YAE1: variants seen among roughly 807,000 people sequenced by gnomAD.
YAE1 encodes the protein protein YAE1 homolog.
Under a neutral mutation model 23.0 loss-of-function variants are expected in YAE1, and 22 were observed. The ratio of observed to expected loss-of-function variants is 0.96; its 90% CI spans 0.68 to 1.37. The LOEUF is 1.37. Among genes scored for constraint, YAE1 ranks in the 40% most tolerant of loss-of-function variants. The pLI is 0.00. For missense variants in YAE1, 260 were observed against 262.1 expected (o/e 0.99, Z 0.06); for synonymous variants, 101 against 97.0 (o/e 1.04, Z -0.24).
downstream of YAE1, among the ~76,000 whole-genome samples, chr7:39,611,121 C>T (rs1457952092): frequency 5.3e-5 from 8 of 151,330 alleles, no homozygotes; most frequent in African/African-American, 1.9e-4. Flanking sequence ...GCACTCTAGC[C>T]TCGGTGACAG....
intron 2 of YAE1, among the ~76,000 whole-genome samples, chr7:39,603,172 C>T (rs954104591): frequency 6.9e-6 from 1 of 144,460 alleles, no homozygotes; most frequent in Admixed American, 7.0e-5. Context: ...GTTTTTGAGA[C>T]GGAGTCTCGC....
At chr7:39,576,074 C>T (rs1790654220), downstream of YAE1, among the ~76,000 whole-genome samples, 1 of 152,194 alleles carries the variant, frequency 6.6e-6, no homozygotes, top group Non-Finnish European at 1.5e-5. Context: ...CAGATGATCT[C>T]ACCTATTAAT....
At chr7:39,588,020 G>A (rs765885249) in intron 2 of YAE1, among the ~76,000 whole-genome samples, 2 of 152,064 alleles carry the variant, frequency 1.3e-5, no homozygotes, top group African/African-American at 2.4e-5. Flanking sequence ...TCTGGTTTCC[G>A]GGACTTGTTA....
At chr7:39,610,116 A>G in exon 3 of YAE1, 1 of 1,049,286 alleles carries the variant, frequency 9.5e-7, no homozygotes. Flanking sequence ...CCGGCAAGCT[A>G]GAACAATATG....
chr7:39,577,791 G>A (rs376589569), downstream of YAE1, among the ~76,000 whole-genome samples: 11 of 152,334 alleles, frequency 7.2e-5, no homozygotes, highest in Admixed American at 4.6e-4. Flanking sequence ...GCGGGTGCAC[G>A]GTGCGGGACT....
chr7:39,568,866 A>T (rs1771346941), intron 1 of YAE1, among the ~76,000 whole-genome samples: 1 of 152,194 alleles, frequency 6.6e-6, no homozygotes, highest in South Asian at 2.1e-4. Context: ...TTAGTTGCAT[A>T]ACTTAAAAAT....
chr7:39,591,719 CT>C (rs1790903248), intron 2 of YAE1, among the ~76,000 whole-genome samples: 1 of 151,426 alleles, frequency 6.6e-6, no homozygotes, highest in Non-Finnish European at 1.5e-5. Flanking sequence ...TTAGCATTCA[CT>C]TGGTGTTGTA....
downstream of YAE1, among the ~76,000 whole-genome samples, chr7:39,576,241 A>C (rs1452201989): frequency 6.6e-6 from 1 of 152,178 alleles, no homozygotes; most frequent in Non-Finnish European, 1.5e-5. Flanking sequence ...TAATTTATGT[A>C]CCAGCCTCAT....
chr7:39,593,541 C>A (rs1236868140), intron 2 of YAE1, among the ~76,000 whole-genome samples: 2 of 151,992 alleles, frequency 1.3e-5, no homozygotes, highest in Admixed American at 1.3e-4. Context: ...AGCCACTGTG[C>A]CTGGCCTTTT....
chr7:39,611,691 G>A (rs911567204), downstream of YAE1, among the ~76,000 whole-genome samples: 2 of 152,176 alleles, frequency 1.3e-5, no homozygotes, highest in Admixed American at 6.5e-5. Context: ...TCTTTTGTGA[G>A]GAGTTGGGAG....
chr7:39,571,700 T>G (rs755232471), intron 2 of YAE1, among the ~76,000 whole-genome samples: 1 of 152,366 alleles, frequency 6.6e-6, no homozygotes, highest in Admixed American at 6.5e-5. Context: ...ACTATAATAT[T>G]AAATCTGTTA....
At chr7:39,569,714 G>T in intron 1 of YAE1, 1 of 722,644 alleles carries the variant, frequency 1.4e-6, no homozygotes. Flanking sequence ...GGCAAGTCCT[G>T]ATCCACGTAG....
chr7:39,607,460 T>C (rs201757630), intron 2 of YAE1, among the ~76,000 whole-genome samples: 85 of 127,306 alleles, frequency 6.7e-4, no homozygotes, highest in South Asian at 1.6e-3. Context: ...GATTTGAAAG[T>C]GAAGGAAGGA....
chr7:39,603,952 C>G (rs958628565), intron 2 of YAE1, among the ~76,000 whole-genome samples: 1 of 152,138 alleles, frequency 6.6e-6, no homozygotes, highest in Admixed American at 6.5e-5. Context: ...TTGGTATGTT[C>G]AAGGGCAGAA....
chr7:39,595,203 T>G (rs1045273618), intron 2 of YAE1, among the ~76,000 whole-genome samples: 3 of 152,032 alleles, frequency 2.0e-5, no homozygotes. Flanking sequence ...CGTGGATAAG[T>G]GAGTAGAAAC....
downstream of YAE1, among the ~76,000 whole-genome samples, chr7:39,610,800 A>G (rs1791202663): frequency 6.6e-6 from 1 of 152,234 alleles, no homozygotes; most frequent in Non-Finnish European, 1.5e-5. Flanking sequence ...TTTTATGTGT[A>G]GGTATTATTG....
chr7:39,588,822 T>G (rs1009814426), intron 2 of YAE1, among the ~76,000 whole-genome samples: 11 of 13,380 alleles, frequency 8.2e-4, no homozygotes, highest in Admixed American at 6.2e-3. Flanking sequence ...TAATTTTAGG[T>G]TTTTTTTTTC....
chr7:39,580,630 G>A (rs1361695234), intron 2 of YAE1, among the ~76,000 whole-genome samples: 1 of 152,152 alleles, frequency 6.6e-6, no homozygotes, highest in African/African-American at 2.4e-5. Flanking sequence ...AAGTTAGCAC[G>A]TGTTTCATTC....
intron 2 of YAE1, among the ~76,000 whole-genome samples, chr7:39,601,560 G>A (rs1190945147): frequency 6.6e-6 from 1 of 152,112 alleles, no homozygotes; most frequent in African/African-American, 2.4e-5. Context: ...AGGAGTTCGA[G>A]ATCAGCTTGG....
Sources: gnomAD v4.1 joint callset for allele counts (sites outside exome capture counted in the v4.1 genomes callset) on GRCh38, gnomAD v4.1.1 for gene constraint, MANE v1.5 for transcripts, NCBI Gene and HGNC (gene_info 2026-07-23, HGNC 2026-07-21) for gene names.